Variants in CA2 observed in about 807,000 individuals in gnomAD.
CA2 encodes carbonic anhydrase 2.
CA2 carries 23 observed loss-of-function variants against 27.8 expected under a neutral mutation model. That is an observed-to-expected ratio of 0.83 (90% confidence interval 0.59 to 1.17). The LOEUF is 1.17. Ranked by LOEUF, CA2 falls within the 50% of genes most tolerant of loss-of-function variation. CA2 has a pLI of 0.00. For synonymous variants in CA2, 99 were observed against 114.9 expected, an observed-to-expected ratio of 0.86 and a Z score of 0.88; for missense variants, 300 against 314.7, an observed-to-expected ratio of 0.95 and a Z score of 0.35.
chr8:85,475,769 A>G (rs755309692), intron 4 of CA2, 29 bp from the exon 5 acceptor site: 45 of 1,604,890 alleles, frequency 2.8e-5, no homozygotes, highest in Non-Finnish European at 3.4e-5. Flanking sequence ...ACTGGGTGAT[A>G]GTATCTTGCC....
In CA2 at chr8:85,464,080, CCATGTCCCATCACTGGG is replaced by C; in HGVS notation, c.-1_16del. The C allele has an allele frequency of 1.3e-6, 2 of 1,548,902 alleles. No individual in the cohort carries two copies. The highest frequency in any genetic ancestry group is 1.7e-6 in the Non-Finnish European group (2 of 1,149,758). On this transcript the variant is annotated start_lost and 5_prime_UTR_variant, in exon 1 of 7. Transcript: ENST00000285379. Reference sequence around the variant, plus strand: ...TGCCCTGCCCCGACCGCCAGCGCGACCATGTCCCATCACTGGGGGTACGGCAAACACAACGGTGAGTG... The same window carrying C: ...TGCCCTGCCCCGACCGCCAGCGCGACGGTACGGCAAACACAACGGTGAGTG...
At chr8:85,465,912 A>G (rs1414055115) in intron 2 of CA2, among the ~76,000 whole-genome samples, 2 of 152,214 alleles carry the variant, frequency 1.3e-5, no homozygotes, top group Non-Finnish European at 2.9e-5. Context: ...AAACGTGCCA[A>G]TTTAAAATAC....
intron 2 of CA2, among the ~76,000 whole-genome samples, chr8:85,472,352 G>A (rs1015989753): frequency 2.6e-5 from 4 of 151,788 alleles, no homozygotes; most frequent in Non-Finnish European, 5.9e-5. Flanking sequence ...TGAATATATT[G>A]GTTAAATCCC....
At chr8:85,473,494 A>G in intron 2 of CA2, 199 bp from the exon 3 acceptor site, 1 of 681,540 alleles carries the variant, frequency 1.5e-6, no homozygotes, top group Non-Finnish European at 2.7e-6. Context: ...TCAGCACCGT[A>G]GACTAAACTT....
At chr8:85,480,281 C>G (rs146719164) in intron 6 of CA2, among the ~76,000 whole-genome samples, 239 of 152,248 alleles carry the variant, frequency 1.6e-3, no homozygotes, top group Admixed American at 3.1e-3. Flanking sequence ...TTTTTTGAGG[C>G]AGAGCCTTGC....
intron 2 of CA2, among the ~76,000 whole-genome samples, chr8:85,467,267 C>T (rs968837967): frequency 6.6e-6 from 1 of 152,188 alleles, no homozygotes; most frequent in Non-Finnish European, 1.5e-5. Flanking sequence ...TCAGCATAGA[C>T]TGGGGTCAGA....
chr8:85,466,892 A>G (rs915680966), intron 2 of CA2, among the ~76,000 whole-genome samples: 3 of 152,158 alleles, frequency 2.0e-5, no homozygotes, highest in Non-Finnish European at 4.4e-5. Flanking sequence ...CTGTATATTT[A>G]TAACAAGACA....
chr8:85,473,791 A>G lies in CA2; in HGVS notation c.331A>G (p.Lys111Glu). The stretch of plus-strand genomic sequence containing the variant: ...ACAAGGTTCAGAGCATACTGTGGAT[A>G]AAAAGAAATATGCTGCAGAAGTAAG... ...DGQGSEHTVD[K>E]KKYAAELHLV... Residue 111 changes from lysine to glutamate, a missense_variant, in exon 3 of 7, where the codon AAA becomes GAA. Around this residue, in one of 3 missense-constraint regions of CA2, gnomAD observed 122 missense variants for 133.2 expected, o/e 0.92. Transcript: ENST00000285379. The G allele has an allele frequency of 6.3e-7, 1 of 1,576,070 alleles. No homozygotes were observed. Among genetic ancestry groups the G allele is most frequent in the Non-Finnish European group, 8.7e-7 (1 of 1,145,326 alleles).
chr8:85,471,671 C>T (rs1173450412), intron 2 of CA2, among the ~76,000 whole-genome samples: 2 of 152,012 alleles, frequency 1.3e-5, no homozygotes, highest in African/African-American at 2.4e-5. Context: ...AATGATTTGA[C>T]AAATGACATT....
chr8:85,473,285 G>A (rs971215505), intron 2 of CA2: 2 of 389,612 alleles, frequency 5.1e-6, no homozygotes, highest in African/African-American at 4.2e-5. Flanking sequence ...CCAATTTATT[G>A]GCCAGTAGCT....
At chr8:85,471,885 A>G (rs1563433471) in intron 2 of CA2, among the ~76,000 whole-genome samples, 1 of 152,210 alleles carries the variant, frequency 6.6e-6, no homozygotes, top group African/African-American at 2.4e-5. Context: ...AACTGTTGTA[A>G]TAAGTTGTTT....
intron 2 of CA2, among the ~76,000 whole-genome samples, chr8:85,473,013 TAAA>T (rs1563433894): frequency 3.0e-4 from 4 of 13,136 alleles, no homozygotes; most frequent in African/African-American, 5.3e-4. Flanking sequence ...ATAATAATAA[TAAA>T]TAAATAAATA....
At position 85,464,024 on chromosome 8, in the gene CA2, A is replaced by T. The variant is rs1811573434; in HGVS notation, c.-58A>T. On this transcript the variant is annotated 5_prime_UTR_variant, in exon 1 of 7. Transcript: ENST00000285379. The stretch of plus-strand genomic sequence containing the variant: ...CCGCGGACACACAGTGCAGGCGCCC[A>T]AGCCGCCGCCGCCAGATCGGTGCCG... 6.6e-7 allele frequency: 1 copy of T among 1,522,758 alleles called. No homozygotes were observed. The highest frequency in any genetic ancestry group is 1.2e-5 in the South Asian group (1 of 83,470). The allele number at this position is 1,522,758 out of a possible 1,614,324, so 94.3% of individuals were successfully genotyped here. A position where few individuals can be genotyped will look rare whatever the true frequency, so the allele number is the denominator to read the frequency against.
chr8:85,464,165 G>C (rs1811580109), intron 1 of CA2, 50 bp downstream of exon 1: 1 of 1,478,236 alleles, frequency 6.8e-7, no homozygotes, highest in Non-Finnish European at 9.1e-7. Context: ...CCCGATCCCC[G>C]ATCCCCGATC....
chr8:85,465,756 C>T (rs762459543), intron 2 of CA2, among the ~76,000 whole-genome samples: 2 of 152,136 alleles, frequency 1.3e-5, no homozygotes, highest in African/African-American at 2.4e-5. Context: ...AAAGTCCCCT[C>T]GCAATAAAGA....
intron 5 of CA2, among the ~76,000 whole-genome samples, chr8:85,476,844 A>G (rs1225330135): frequency 2.0e-5 from 3 of 151,980 alleles, no homozygotes; most frequent in Non-Finnish European, 2.9e-5. Flanking sequence ...CTTAATGGGG[A>G]ATGTAAGGGA....
At chr8:85,469,412 G>T (rs1205283607) in intron 2 of CA2, among the ~76,000 whole-genome samples, 1 of 152,148 alleles carries the variant, frequency 6.6e-6, no homozygotes, top group African/African-American at 2.4e-5. Context: ...AAGCTTGAGA[G>T]AATTTTTTAA....
rs1002099789 is a variant in CA2, at chr8:85,464,203, C to T, written c.34+88C>T. On this transcript the variant is annotated intron_variant, in intron 1 of 6. Coordinates refer to ENST00000285379, the MANE Select transcript of CA2 (RefSeq NM_000067.3). ...CGAGCCCGGATGCCGGCCCGGGGCC[C>T]GCAGCGCCCGCACATGCTGTTTACC... 8.1e-6 allele frequency: 10 copies of T among 1,234,892 alleles called. No homozygotes were observed. In the African/African-American group the frequency reaches 9.5e-5, roughly 12 times the overall value. The allele number at this position is 1,234,892 out of a possible 1,614,324, so 76.5% of individuals were successfully genotyped here.
chr8:85,478,475 A>T (rs937778676), intron 6 of CA2, among the ~76,000 whole-genome samples: 1 of 152,204 alleles, frequency 6.6e-6, no homozygotes, highest in Admixed American at 6.5e-5. Flanking sequence ...AATTTAAAAC[A>T]TGAATTTTTT....
Sources: gnomAD v4.1 joint callset for allele counts (sites outside exome capture counted in the v4.1 genomes callset) on GRCh38, gnomAD v4.1.1 for gene constraint, gnomAD v4.1.1 regional missense constraint, MANE v1.5 for transcripts, NCBI Gene and HGNC (gene_info 2026-07-23, HGNC 2026-07-21) for gene names.